Variants in NCAM1 observed in about 807,000 individuals in gnomAD.
The protein encoded by NCAM1 is neural cell adhesion molecule 1.
NCAM1 carries 14 observed loss-of-function variants against 109.8 expected under a neutral mutation model. The ratio of observed to expected loss-of-function variants is 0.13; its 90% confidence interval spans 0.08 to 0.20. The LOEUF (loss-of-function observed/expected upper bound fraction) is 0.20. Ranked by LOEUF, NCAM1 falls within the 10% of genes least tolerant of loss-of-function variation. The probability of loss-of-function intolerance (pLI) is 1.00; values close to 1 mark genes in which losing one functional copy is unlikely to be tolerated. For synonymous variants in NCAM1, 418 were observed against 442.9 expected, an observed-to-expected ratio of 0.94 and a Z score of 0.70; for missense variants, 774 against 1,109.9, an observed-to-expected ratio of 0.70 and a Z score of 4.30.
intron 8 of NCAM1, among the ~76,000 whole-genome samples, chr11:113,216,146 ATTTTT>A (rs34687568): frequency 9.9e-6 from 1 of 101,506 alleles, no homozygotes. Flanking sequence ...CTATGATTTC[ATTTTT>A]TTTTTTTTTT....
rs148970912 is a variant in NCAM1, at chr11:113,073,445, A to G, written c.52+111781A>G. 1.5e-4 allele frequency among the ~76,000 whole-genome samples: 23 copies of G among 152,340 alleles called. No individual in the cohort carries two copies. In the South Asian group the frequency reaches 1.9e-3, roughly 12 times the overall value. On this transcript the variant is annotated intron_variant, in intron 1 of 19. Transcript: ENST00000316851. ...TTAGGAAACATTTCCATATCTCACA[A>G]GCCACAGGAGTGCCTCTATGGGAAT... is the stretch of plus-strand genomic sequence containing the variant.
At chr11:113,269,786 A>T (rs1762845360) in intron 17 of NCAM1, 1 of 242,704 alleles carries the variant, frequency 4.1e-6, no homozygotes, top group African/African-American at 2.2e-5. Flanking sequence ...GAGGAGCCAC[A>T]GCCCCGCCTG....
At chr11:113,057,626 T>C (rs1953757728) in intron 1 of NCAM1, among the ~76,000 whole-genome samples, 1 of 152,072 alleles carries the variant, frequency 6.6e-6, no homozygotes, top group African/African-American at 2.4e-5. Flanking sequence ...AAAAAATACA[T>C]ATGAGAGGAA....
rs77638714 is a variant in NCAM1 at position 113,115,993 on chromosome 11, T to C, written c.53-86386T>C. On this transcript the variant is annotated intron_variant, in intron 1 of 19. Transcript: ENST00000316851. ...AGTTTAATTCTTTCTCTCATAAGTTTAAACTGACTTCTCTAATTCCCAAAT... is the reference window on the plus strand; with the variant it reads ...AGTTTAATTCTTTCTCTCATAAGTTCAAACTGACTTCTCTAATTCCCAAAT... Among the ~76,000 whole-genome samples the C allele has an allele frequency of 4.4e-3, 669 of 152,348 alleles. 1 individual carries two copies. The highest frequency in any genetic ancestry group is 7.0e-3 in the Non-Finnish European group (477 of 68,032).
At chr11:113,080,465 C>CTTT (rs200415631) in intron 1 of NCAM1, among the ~76,000 whole-genome samples, 1 of 140,834 alleles carries the variant, frequency 7.1e-6, no homozygotes, top group Non-Finnish European at 1.5e-5. Context: ...GGTTTTTTTT[C>CTTT]TTTTTTTTTT....
intron 1 of NCAM1, among the ~76,000 whole-genome samples, chr11:113,147,645 A>G (rs782180243): frequency 3.3e-5 from 5 of 152,240 alleles, no homozygotes; most frequent in Non-Finnish European, 5.9e-5. Flanking sequence ...GAACAACCCC[A>G]GAAGCTTGTA....
intron 1 of NCAM1, among the ~76,000 whole-genome samples, chr11:112,994,534 C>T (rs1401441987): frequency 6.6e-6 from 1 of 152,174 alleles, no homozygotes; most frequent in African/African-American, 2.4e-5. Flanking sequence ...GATACATCTT[C>T]TTGTATTAGC....
chr11:113,148,356 G>A (rs1555101745), intron 1 of NCAM1, among the ~76,000 whole-genome samples: 2 of 89,912 alleles, frequency 2.2e-5, no homozygotes, highest in African/African-American at 9.2e-5. Context: ...GTTTGTTTGC[G>A]GAGCTTTTTT....
chr11:113,117,975 G>T (rs1555095232), intron 1 of NCAM1, among the ~76,000 whole-genome samples: 1 of 151,982 alleles, frequency 6.6e-6, no homozygotes, highest in African/African-American at 2.4e-5. Flanking sequence ...AGACCTGAGA[G>T]TGAAGTGATT....
chr11:113,197,102 T>A (rs1565492767), intron 1 of NCAM1: 1 of 156,528 alleles, frequency 6.4e-6, no homozygotes, highest in Non-Finnish European at 1.4e-5. Context: ...GAGAACTCAC[T>A]CACTATCATG....
intron 1 of NCAM1, among the ~76,000 whole-genome samples, chr11:113,152,405 T>G (rs1166812696): frequency 6.6e-6 from 1 of 152,264 alleles, no homozygotes; most frequent in Non-Finnish European, 1.5e-5. Flanking sequence ...TGGCAACTTC[T>G]CTTTTCCAAG....
chr11:113,131,472 GAA>G (rs1941377141), intron 1 of NCAM1, among the ~76,000 whole-genome samples: 2 of 152,230 alleles, frequency 1.3e-5, no homozygotes. Context: ...GCTTAAAAGA[GAA>G]AGAGGGATGT....
At chr11:113,200,506 G>A (rs1451998839) in intron 1 of NCAM1, among the ~76,000 whole-genome samples, 1 of 152,188 alleles carries the variant, frequency 6.6e-6, no homozygotes, top group African/African-American at 2.4e-5. Context: ...TGCCCTCTGT[G>A]CAGGGGCAGC....
At chr11:113,244,037 G>T (rs1314982045) in intron 14 of NCAM1, among the ~76,000 whole-genome samples, 1 of 152,082 alleles carries the variant, frequency 6.6e-6, no homozygotes, top group Non-Finnish European at 1.5e-5. Flanking sequence ...GGCTGTGCTC[G>T]CATGGGTTTA....
intron 1 of NCAM1, among the ~76,000 whole-genome samples, chr11:112,988,129 TAAAAC>T (rs1410789805): frequency 2.0e-5 from 3 of 152,150 alleles, no homozygotes; most frequent in African/African-American, 7.2e-5. Flanking sequence ...TTTAAGCTGA[TAAAAC>T]AAACTTAACT....
At chr11:113,164,159 G>A (rs1458834177) in intron 1 of NCAM1, among the ~76,000 whole-genome samples, 2 of 152,128 alleles carry the variant, frequency 1.3e-5, no homozygotes, top group Admixed American at 1.3e-4. Context: ...CTCCATGGGG[G>A]TACATGCTCT....
At chr11:113,223,765 AG>A (rs1184959006) in intron 9 of NCAM1, among the ~76,000 whole-genome samples, 1 of 152,218 alleles carries the variant, frequency 6.6e-6, no homozygotes, top group East Asian at 1.9e-4. Flanking sequence ...CAGAAAGGCC[AG>A]GGGTTGTCCT....
chr11:113,266,893 G>C (rs188085066), intron 17 of NCAM1, among the ~76,000 whole-genome samples: 6 of 152,250 alleles, frequency 3.9e-5, no homozygotes, highest in Admixed American at 6.5e-5. Flanking sequence ...GGAATGACAG[G>C]CTCTTGTGGT....
intron 17 of NCAM1, among the ~76,000 whole-genome samples, chr11:113,268,568 C>A (rs1946191545): frequency 6.6e-6 from 1 of 152,188 alleles, no homozygotes; most frequent in South Asian, 2.1e-4. Flanking sequence ...GCTGATGGCC[C>A]ATTCCCCAAA....
Sources: gnomAD v4.1 joint callset for allele counts (sites outside exome capture counted in the v4.1 genomes callset) on GRCh38, gnomAD v4.1.1 for gene constraint, MANE v1.5 for transcripts, NCBI Gene and HGNC (gene_info 2026-07-23, HGNC 2026-07-21) for gene names.